FBXL7: variants seen among roughly 807,000 people sequenced by gnomAD.
The protein encoded by FBXL7 is F-box/LRR-repeat protein 7.
Under a neutral mutation model 38.3 loss-of-function variants are expected in FBXL7, and 12 were observed. The ratio of observed to expected loss-of-function variants is 0.31; its 90% CI spans 0.20 to 0.51. The LOEUF (loss-of-function observed/expected upper bound fraction) is 0.51. Among genes scored for constraint, FBXL7 ranks in the 20% least tolerant of loss-of-function variants. FBXL7 has a pLI of 0.98. For synonymous variants in FBXL7, 297 were observed against 300.9 expected, an observed-to-expected ratio of 0.99 and a Z score of 0.13; for missense variants, 567 against 676.4, an observed-to-expected ratio of 0.84 and a Z score of 1.79.
chr5:15,644,335 C>G (rs1272432927), intron 2 of FBXL7, among the ~76,000 whole-genome samples: 1 of 146,372 alleles, frequency 6.8e-6, no homozygotes, highest in Non-Finnish European at 1.5e-5. Flanking sequence ...AAAGGCCAGG[C>G]GTGGTAGTGC....
intron 1 of FBXL7, among the ~76,000 whole-genome samples, chr5:15,563,259 A>G (rs1001852085): frequency 3.9e-5 from 6 of 152,302 alleles, no homozygotes; most frequent in African/African-American, 1.2e-4. Flanking sequence ...TTGGGCTAAC[A>G]CTTGCTTGAG....
In FBXL7 at chr5:15,783,619, A is replaced by G. The variant is rs1737057506; in HGVS notation, c.128-144271A>G. Among the ~76,000 whole-genome samples, 6 of 152,138 alleles carry G rather than the reference A, an allele frequency of 3.9e-5. 1 individual carries two copies. Among genetic ancestry groups the G allele is most frequent in the Middle Eastern group, 3.2e-3 (1 of 316 alleles). On this transcript the variant is annotated intron_variant, in intron 2 of 3. Coordinates refer to ENST00000504595, the MANE Select transcript of FBXL7 (RefSeq NM_012304.5). The stretch of plus-strand genomic sequence containing the variant: ...GAAAACCAAGGAGGGTACCTATCAA[A>G]CCCCAAGCCCTGAGGTTCAGGGGAT...
At chr5:15,750,171 AAGAATTTATAT>A (rs1736119966) in intron 2 of FBXL7, among the ~76,000 whole-genome samples, 1 of 152,246 alleles carries the variant, frequency 6.6e-6, no homozygotes, top group African/African-American at 2.4e-5. Context: ...CCTTCCCTCA[AAGAATTTATAT>A]AGTGATGCTT....
chr5:15,671,284 GCTAA>G (rs1742464596), intron 2 of FBXL7, among the ~76,000 whole-genome samples: 1 of 151,880 alleles, frequency 6.6e-6, no homozygotes, highest in African/African-American at 2.4e-5. Flanking sequence ...TTTAATTTCA[GCTAA>G]CTAACTCTTG....
intron 2 of FBXL7, among the ~76,000 whole-genome samples, chr5:15,697,079 A>G (rs561962984): frequency 2.4e-4 from 37 of 152,286 alleles, no homozygotes; most frequent in African/African-American, 7.7e-4. Context: ...TATGTAGGTA[A>G]CCTAACACCA....
intron 1 of FBXL7, among the ~76,000 whole-genome samples, chr5:15,534,057 C>T (rs1737511086): frequency 6.6e-6 from 1 of 152,042 alleles, no homozygotes; most frequent in Non-Finnish European, 1.5e-5. Context: ...CAAAATTGAA[C>T]AGAAGGTACA....
chr5:15,761,101 A>G (rs1736428987), intron 2 of FBXL7, among the ~76,000 whole-genome samples: 1 of 152,210 alleles, frequency 6.6e-6, no homozygotes, highest in Non-Finnish European at 1.5e-5. Flanking sequence ...TGTCTTGGGC[A>G]GGTACAACAT....
At chr5:15,803,522 C>T (rs1737625055) in intron 2 of FBXL7, among the ~76,000 whole-genome samples, 1 of 150,994 alleles carries the variant, frequency 6.6e-6, no homozygotes. Context: ...CATATTTTCC[C>T]CTTTCTCCCC....
chr5:15,622,532 G>A (rs989513747), intron 2 of FBXL7, among the ~76,000 whole-genome samples: 7 of 152,056 alleles, frequency 4.6e-5, no homozygotes, highest in Non-Finnish European at 7.4e-5. Flanking sequence ...GAGAACATGC[G>A]GTGTTTGGGT....
chr5:15,854,662 C>T (rs1022683328), intron 2 of FBXL7, among the ~76,000 whole-genome samples: 5 of 152,114 alleles, frequency 3.3e-5, no homozygotes, highest in African/African-American at 1.2e-4. Flanking sequence ...TTCATACTTT[C>T]TCACGCACTC....
At chr5:15,591,970 G>A (rs1253963394) in intron 1 of FBXL7, among the ~76,000 whole-genome samples, 4 of 152,210 alleles carry the variant, frequency 2.6e-5, no homozygotes, top group African/African-American at 7.2e-5. Flanking sequence ...TTGGCCTCCT[G>A]AAGTTCTGGG....
rs572604624 is a variant in FBXL7 at position 15,906,298 on chromosome 5, T to A, written c.128-21592T>A. Among the ~76,000 whole-genome samples the A allele has an allele frequency of 7.7e-3, 1,171 of 152,212 alleles. 22 individuals carry two copies. Among genetic ancestry groups the A allele is most frequent in the African/African-American group, 0.027 (1,107 of 41,534 alleles). ...TTAAATGCCATTAAGAAATACAGCC[T>A]ATAAATATAAACTTCTAAGTATCTT... On this transcript the variant is annotated intron_variant, in intron 2 of 3. Coordinates refer to ENST00000504595, the MANE Select transcript of FBXL7 (RefSeq NM_012304.5).
At chr5:15,565,517 ATATT>A (rs138035933) in intron 1 of FBXL7, among the ~76,000 whole-genome samples, 3,349 of 150,768 alleles carry the variant, frequency 0.022, 114 homozygotes, top group African/African-American at 0.075. Context: ...AATCCTCTAT[ATATT>A]TATTCTTAAT....
chr5:15,501,526 G>A, intron 1 of FBXL7: 1 of 985,572 alleles, frequency 1.0e-6, no homozygotes, highest in Non-Finnish European at 1.2e-6. Context: ...AAGTTAAGAA[G>A]GTTTGTGTCT....
At chr5:15,573,661 G>T (rs745889244) in intron 1 of FBXL7, among the ~76,000 whole-genome samples, 2 of 152,166 alleles carry the variant, frequency 1.3e-5, no homozygotes, top group Non-Finnish European at 2.9e-5. Flanking sequence ...TTCTGCCAAT[G>T]TCAAGCAGAT....
Position 15,562,411 on chromosome 5 carries a change from A to G in FBXL7, c.38-53572A>G, listed in dbSNP as rs11949623. On this transcript the variant is annotated intron_variant, in intron 1 of 3. Transcript: ENST00000504595. ...ATATATAAGGAACTTATGTAACTCAATGGCAAAAAGAAACCTGTTTATAAA... is the reference window on the plus strand; with the variant it reads ...ATATATAAGGAACTTATGTAACTCAGTGGCAAAAAGAAACCTGTTTATAAA... Among the ~76,000 whole-genome samples the G allele has an allele frequency of 4.8e-3, 736 of 152,256 alleles. 4 individuals are homozygous for G. The highest frequency in any genetic ancestry group is 0.017 in the African/African-American group (687 of 41,554).
intron 1 of FBXL7, among the ~76,000 whole-genome samples, chr5:15,584,775 A>T (rs923476895): frequency 4.6e-5 from 7 of 152,358 alleles, no homozygotes; most frequent in Middle Eastern, 3.4e-3. Flanking sequence ...CACTGCTATA[A>T]AGAAATTCCC....
chr5:15,726,554 G>A (rs983424569), intron 2 of FBXL7, among the ~76,000 whole-genome samples: 17 of 152,036 alleles, frequency 1.1e-4, no homozygotes, highest in African/African-American at 2.9e-4. Flanking sequence ...TTAGCTGGGC[G>A]TGGTGGTGTG....
intron 2 of FBXL7, among the ~76,000 whole-genome samples, chr5:15,793,880 A>G (rs775514793): frequency 4.6e-5 from 7 of 152,228 alleles, no homozygotes; most frequent in Non-Finnish European, 1.0e-4. Context: ...GCAACAACAC[A>G]ACTACAGCAT....
Sources: gnomAD v4.1 joint callset for allele counts (sites outside exome capture counted in the v4.1 genomes callset) on GRCh38, gnomAD v4.1.1 for gene constraint, MANE v1.5 for transcripts, NCBI Gene and HGNC (gene_info 2026-07-23, HGNC 2026-07-21) for gene names.